Variants in LARGE2 observed in about 807,000 individuals in gnomAD.
The protein encoded by LARGE2 is xylosyl- and glucuronyltransferase LARGE2.
A neutral mutation model predicts 75.3 loss-of-function variants in LARGE2; 63 were observed. That is an observed-to-expected ratio of 0.84 (90% CI 0.68 to 1.03). LARGE2 has a LOEUF of 1.03. Among genes scored for constraint, LARGE2 ranks in the 50% least tolerant of loss-of-function variants. LARGE2 has a pLI of 0.00. For synonymous variants in LARGE2, 428 were observed against 420.1 expected (o/e 1.02, Z -0.23); for missense variants, 925 against 980.6 (o/e 0.94, Z 0.76).
chr11:45,928,354 TG>T lies in LARGE2; in HGVS notation c.1933del (p.Val645TrpfsTer104). The T allele has an allele frequency of 6.2e-7, 1 of 1,613,848 alleles. No individual in the cohort carries two copies. Among genetic ancestry groups the T allele is most frequent in the Non-Finnish European group, 8.5e-7 (1 of 1,179,804 alleles). ...GFGWNKVAHI[V>X]ELDAQEYELL... ...TCGGCTGGAACAAAGTGGCCCACAT[TG>T]TGGAGCTGGATGCCCAGGTGAGGAG... On this transcript the variant is annotated frameshift_variant, in exon 13 of 14. Transcript: ENST00000401752. LOFTEE classifies it high-confidence loss of function.
Position 45,926,139 on chromosome 11 carries a change from A to C in LARGE2, c.870A>C (p.Ser290=), listed in dbSNP as rs778889878. 6.3e-7 allele frequency: 1 copy of C among 1,585,168 alleles called. No individual in the cohort carries two copies. The highest frequency in any genetic ancestry group is 1.1e-5 in the South Asian group (1 of 87,914). ...RRELLSLPAT[S]LADQDIFNAV... is the part of the protein sequence containing the mutation. The stretch of plus-strand genomic sequence containing the variant: ...AGCTCCTTAGCCTGCCTGCCACCTC[A>C]CTGGCTGACCAGGTCTGAGGAAGCC... The change falls in exon 7 of 14, where the codon TCA becomes TCC. Residue 290 remains serine, a synonymous_variant. Transcript: ENST00000401752.
At position 45,926,507 on chromosome 11, in the gene LARGE2, T is replaced by C. The variant is rs2087154804; in HGVS notation, c.1074T>C (p.Asn358=). ...VKNKHVEFFR[N]FYLTFLEYDG... is the part of the protein sequence containing the mutation. The stretch of plus-strand genomic sequence containing the variant: ...ACAAGCATGTGGAATTCTTCCGCAA[T>C]TTCTACCTGACCTTCCTGGAGTACG... The change falls in exon 9 of 14, where the codon AAT becomes AAC. Residue 358 remains asparagine (N), a synonymous_variant. Transcript: ENST00000401752. The C allele has an allele frequency of 6.2e-7, 1 of 1,614,122 alleles. No individual in the cohort carries two copies. Among genetic ancestry groups the C allele is most frequent in the Admixed American group, 1.7e-5 (1 of 60,020 alleles).
upstream of LARGE2, chr11:45,922,609 C>T: frequency 3.6e-6 from 1 of 281,014 alleles, no homozygotes; most frequent in Non-Finnish European, 6.6e-6. Flanking sequence ...GCGCTCAGCC[C>T]CGCTGAGGTG....
Position 45,924,499 on chromosome 11 carries a change from C to A in LARGE2, c.493-7C>A. The A allele has an allele frequency of 6.2e-7, 1 of 1,609,918 alleles. No homozygotes were observed. The highest frequency in any genetic ancestry group is 1.1e-5 in the South Asian group (1 of 90,914). On this transcript the variant is annotated splice_region_variant and splice_polypyrimidine_tract_variant and intron_variant, in intron 4 of 13. Transcript: ENST00000401752. ...GCCATCTCATCTCCTGCCTTTCCCC[C>A]ACACAGCCCCAGGTCTCCTGGATCC...
Position 45,922,928 on chromosome 11 carries a change from T to TTGCTGC in LARGE2, c.60_65dup (p.Leu21_Leu22dup), listed in dbSNP as rs758052992. ...CCGGGCGCTGGGGGCCGCCGCGCTGTTGCTGCTGCTGCTGCTGCTCGGATT... is the reference window on the plus strand; with the variant it reads ...CCGGGCGCTGGGGGCCGCCGCGCTGTTGCTGCTGCTGCTGCTGCTGCTGCTCGGATT... On this transcript the variant is annotated inframe_insertion, in exon 2 of 14. Coordinates refer to ENST00000401752, the MANE Select transcript of LARGE2 (RefSeq NM_001300721.2). 6 of 1,275,292 alleles carry TTGCTGC rather than the reference T, an allele frequency of 4.7e-6. No individual in the cohort carries two copies. The highest frequency in any genetic ancestry group is 5.9e-6 in the Non-Finnish European group (6 of 1,014,794). The allele number at this position is 1,275,292 out of a possible 1,614,324, so 79.0% of individuals were successfully genotyped here.
chr11:45,924,789 G>T lies in LARGE2; in HGVS notation c.669G>T (p.Thr223=). 1 of 1,504,712 alleles carries T rather than the reference G, an allele frequency of 6.6e-7. No individual in the cohort carries two copies. The highest frequency in any genetic ancestry group is 8.9e-7 in the Non-Finnish European group (1 of 1,123,156). The allele number at this position is 1,504,712 out of a possible 1,614,324, so 93.2% of individuals were successfully genotyped here. A position where few individuals can be genotyped will look rare whatever the true frequency, so the allele number is the denominator to read the frequency against. Residue 223 remains threonine (T), a synonymous_variant, in exon 6 of 14, where the codon ACG becomes ACT. Coordinates refer to ENST00000401752, the MANE Select transcript of LARGE2 (RefSeq NM_001300721.2). ...CCTTATGCCCTCCCCTCCCAGACACGCAGGCGATCGGTCTTGTGGAGAACC... is the reference window on the plus strand; with the variant it reads ...CCTTATGCCCTCCCCTCCCAGACACTCAGGCGATCGGTCTTGTGGAGAACC... ...LWALFAHFSD[T]QAIGLVENQS... is the part of the protein sequence containing the mutation.
At position 45,927,928 on chromosome 11, in the gene LARGE2, T is replaced by C. The variant is rs746928072; in HGVS notation, c.1613T>C (p.Ile538Thr). The change falls in exon 12 of 14, where the codon ATT (isoleucine) becomes ACT (threonine). Residue 538 changes from isoleucine to threonine, a missense_variant. Ile to Thr is a moderately conservative substitution (Grantham distance 89, BLOSUM62 -1). This residue lies in a region of LARGE2 where 469 missense variants were observed against 503.8 expected (regional missense o/e 0.93). Coordinates refer to ENST00000401752, the MANE Select transcript of LARGE2 (RefSeq NM_001300721.2). ...YSLYDYLRAS[I>T]EQLGLGSRRK... ...TGGGTGCTCCTCCTCAGGGCCTCCATTGAGCAGCTGGGGCTGGGCAGCCGG... is the reference window on the plus strand; with the variant it reads ...TGGGTGCTCCTCCTCAGGGCCTCCACTGAGCAGCTGGGGCTGGGCAGCCGG... 5.0e-6 allele frequency: 8 copies of C among 1,613,128 alleles called. No homozygotes were observed. In the African/African-American group the frequency reaches 9.3e-5, roughly 19 times the overall value.
chr11:45,926,473 G>A lies in LARGE2; in HGVS notation c.1040G>A (p.Arg347Gln), dbSNP rs754023823. ...VIHWNSPKKL[R>Q]VKNKHVEFFR... Reference sequence around the variant, plus strand: ...CACTGGAACTCACCAAAGAAGCTTCGGGTGAAGAACAAGCATGTGGAATTC... The same window carrying A: ...CACTGGAACTCACCAAAGAAGCTTCAGGTGAAGAACAAGCATGTGGAATTC... Residue 347 changes from arginine (R) to glutamine (Q), a missense_variant, in exon 9 of 14, where the codon CGG becomes CAG. By Grantham distance (43) the Arg-to-Gln change is conservative (BLOSUM62 1). Transcript: ENST00000401752. The A allele has an allele frequency of 9.9e-6, 16 of 1,614,018 alleles. No individual in the cohort carries two copies. Among genetic ancestry groups the A allele is most frequent in the African/African-American group, 5.3e-5 (4 of 75,020 alleles).
rs1317204366 is a variant in LARGE2, at chr11:45,928,935, G to T, written c.*90G>T. ...ATCCCTGCTATTTAAATTATTTAAG[G>T]TCTCTGGGAAGGGCTGGGGCAGAGC... On this transcript the variant is annotated 3_prime_UTR_variant, in exon 14 of 14. Transcript: ENST00000401752. 5 of 1,520,282 alleles carry T rather than the reference G, an allele frequency of 3.3e-6. No individual in the cohort carries two copies. The African/African-American group carries it at 5.5e-5, about 17-fold the overall frequency. 94.2% of individuals were successfully genotyped at this position (1,520,282 alleles called of 1,614,324 possible).
intron 10 of LARGE2, among the ~76,000 whole-genome samples, 169 bp downstream of exon 10, chr11:45,927,040 G>A (rs186582487): frequency 6.6e-6 from 1 of 152,346 alleles, no homozygotes; most frequent in Admixed American, 6.5e-5. Context: ...GGGCTCTGGA[G>A]TCATTCAGAT....
chr11:45,923,275 C>A, intron 2 of LARGE2, 108 bp downstream of exon 2: 1 of 1,262,616 alleles, frequency 7.9e-7, no homozygotes, highest in Non-Finnish European at 1.1e-6. Flanking sequence ...CCAGCACTGG[C>A]CAGCCGGCTG....
rs773848054 is a variant in LARGE2 at position 45,926,598 on chromosome 11, G to A, written c.1164+1G>A. On this transcript the variant is annotated splice_donor_variant, in intron 9 of 13. Coordinates refer to ENST00000401752, the MANE Select transcript of LARGE2 (RefSeq NM_001300721.2). LOFTEE classifies it high-confidence loss of function. ...CCAGCCCCCACCTGGTGCTGAGCAGGTGAGAAGGAGTCACCTTCCCCTGCC... is the reference window on the plus strand; with the variant it reads ...CCAGCCCCCACCTGGTGCTGAGCAGATGAGAAGGAGTCACCTTCCCCTGCC... The A allele has an allele frequency of 1.2e-6, 2 of 1,613,950 alleles. No individual in the cohort carries two copies. Among genetic ancestry groups the A allele is most frequent in the African/African-American group, 1.3e-5 (1 of 74,930 alleles).
chr11:45,923,606 C>T (rs2087014847), intron 3 of LARGE2, 51 bp downstream of exon 3: 1 of 1,501,666 alleles, frequency 6.7e-7, no homozygotes, highest in East Asian at 2.3e-5. Context: ...AGGGACAAAG[C>T]CCGGGACAGG....
intron 10 of LARGE2, among the ~76,000 whole-genome samples, 183 bp from the exon 11 acceptor site, chr11:45,927,132 A>G (rs935218494): frequency 1.3e-5 from 2 of 152,174 alleles, no homozygotes; most frequent in Admixed American, 6.5e-5. Context: ...CTCAAATGAG[A>G]AAGTACCCAC....
rs2087395308 is a variant in LARGE2 at position 45,928,750 on chromosome 11, G to A, written c.2071G>A (p.Asp691Asn). ...TCGTGACTGCCTCCAGGCCCTCAAG[G>A]ACGAATTCCACCAGGACTTGTCCCG... ...TYRDCLQALK[D>N]EFHQDLSRHH... Residue 691 changes from aspartate (D) to asparagine (N), a missense_variant, in exon 14 of 14, where the codon GAC (aspartate) becomes AAC (asparagine). Around this residue, in one of 3 missense-constraint regions of LARGE2, gnomAD observed 469 missense variants for 503.8 expected, o/e 0.93. Coordinates refer to ENST00000401752, the MANE Select transcript of LARGE2 (RefSeq NM_001300721.2). 9 of 1,614,106 alleles carry A rather than the reference G, an allele frequency of 5.6e-6. No homozygotes were observed. The highest frequency in any genetic ancestry group is 7.6e-6 in the Non-Finnish European group (9 of 1,180,030).
intron 11 of LARGE2, 97 bp downstream of exon 11, chr11:45,927,690 C>T: frequency 6.6e-7 from 1 of 1,522,708 alleles, no homozygotes; most frequent in Non-Finnish European, 9.0e-7. Flanking sequence ...CCTTTCTGGG[C>T]CTCAGTGGCC....
At chr11:45,922,794 T>G (rs1287972152) in intron 1 of LARGE2, 27 bp from the exon 2 acceptor site, 4 of 1,064,140 alleles carry the variant, frequency 3.8e-6, no homozygotes, top group Non-Finnish European at 4.8e-6. Context: ...CAGGGCTGAG[T>G]CTCCCATCTC....
intron 2 of LARGE2, 39 bp downstream of exon 2, chr11:45,923,206 C>G: frequency 7.6e-7 from 1 of 1,318,914 alleles, no homozygotes; most frequent in Non-Finnish European, 9.6e-7. Flanking sequence ...GTCCTGGGGG[C>G]GCCGCCCCCG....
At chr11:45,927,249 T>G (rs1344840877) in intron 10 of LARGE2, 66 bp from the exon 11 acceptor site, 2 of 1,536,836 alleles carry the variant, frequency 1.3e-6, no homozygotes, top group Non-Finnish European at 1.8e-6. Flanking sequence ...CTGGGGAGGT[T>G]TGCCAGGCCT....
Sources: gnomAD v4.1 joint callset for allele counts (sites outside exome capture counted in the v4.1 genomes callset) on GRCh38, gnomAD v4.1.1 for gene constraint, gnomAD v4.1.1 regional missense constraint, MANE v1.5 for transcripts, NCBI Gene and HGNC (gene_info 2026-07-23, HGNC 2026-07-21) for gene names.